Variants in PLB1 observed in about 807,000 individuals in gnomAD.
The protein encoded by PLB1 is phospholipase B1, membrane-associated.
A neutral mutation model predicts 227.4 loss-of-function variants in PLB1; 242 were observed. The observed-to-expected ratio is 1.06, with a 90% CI of 0.96 to 1.18. The LOEUF is 1.18. PLB1 is among the 50% of genes most tolerant of loss of function. The probability of loss-of-function intolerance (pLI) is 0.00; values close to 1 mark genes in which losing one functional copy is unlikely to be tolerated. For synonymous variants in PLB1, 757 were observed against 682.2 expected (o/e 1.11, Z -1.71); for missense variants, 1,858 against 1,816.3 (o/e 1.02, Z -0.42).
chr2:28,568,182 C>T (rs1677375255), intron 20 of PLB1, among the ~76,000 whole-genome samples: 1 of 152,204 alleles, frequency 6.6e-6, no homozygotes, highest in Non-Finnish European at 1.5e-5. Flanking sequence ...CACACATGAG[C>T]TATAAATCAG....
chr2:28,535,500 A>G (rs534116659), intron 9 of PLB1, among the ~76,000 whole-genome samples: 16 of 151,966 alleles, frequency 1.1e-4, no homozygotes, highest in African/African-American at 3.9e-4. Flanking sequence ...CTCTGGCCAC[A>G]CCTCCCCGTT....
intron 56 of PLB1, chr2:28,633,440 C>T (rs1330728427): frequency 3.2e-5 from 6 of 189,630 alleles, no homozygotes; most frequent in Admixed American, 1.1e-4. Flanking sequence ...TCTCAGACAA[C>T]GCATTGAGAT....
At position 28,550,051 on chromosome 2, in the gene PLB1, G is replaced by T; in HGVS notation, c.1050G>T (p.Leu350=). The change falls in exon 16 of 58, where the codon CTG becomes CTT. Residue 350 remains leucine (L), a synonymous_variant. Coordinates refer to ENST00000327757, the MANE Select transcript of PLB1 (RefSeq NM_153021.5). ...TCAGCTACAGAAACAGCAACTACCT[G>T]ACCAGACTGCAGAAACCCCAAGACA... ...YLFSYRNSNY[L]TRLQKPQDKL... is the part of the protein sequence containing the mutation. The T allele has an allele frequency of 6.2e-7, 1 of 1,613,376 alleles. No individual in the cohort carries two copies. The highest frequency in any genetic ancestry group is 1.1e-5 in the South Asian group (1 of 90,962).
At chr2:28,550,163 C>T in intron 16 of PLB1, 79 bp downstream of exon 16, 1 of 1,147,400 alleles carries the variant, frequency 8.7e-7, no homozygotes. Flanking sequence ...TTCGAACCTT[C>T]CACGTGGTTT....
intron 17 of PLB1, among the ~76,000 whole-genome samples, chr2:28,554,456 A>T (rs1674721023): frequency 7.1e-6 from 1 of 140,370 alleles, no homozygotes; most frequent in Non-Finnish European, 1.5e-5. Flanking sequence ...GCCTCCAAGT[A>T]GCTAGGACTA....
At chr2:28,526,764 G>A (rs1366634731) in intron 6 of PLB1, among the ~76,000 whole-genome samples, 2 of 152,202 alleles carry the variant, frequency 1.3e-5, no homozygotes, top group South Asian at 2.1e-4. Context: ...GAACAAGTGA[G>A]GCAGCTAGTG....
chr2:28,535,320 C>T (rs1671538959), intron 9 of PLB1, among the ~76,000 whole-genome samples: 1 of 152,192 alleles, frequency 6.6e-6, no homozygotes, highest in Non-Finnish European at 1.5e-5. Context: ...TTGATTTTTC[C>T]TATTGCACAA....
intron 35 of PLB1, among the ~76,000 whole-genome samples, 159 bp downstream of exon 35, chr2:28,598,919 T>A (rs921511758): frequency 1.3e-5 from 2 of 149,302 alleles, no homozygotes; most frequent in African/African-American, 4.8e-5. Context: ...ACGAAGGTTG[T>A]AATAGGCCAG....
chr2:28,598,316 G>A (rs933332885), intron 34 of PLB1, among the ~76,000 whole-genome samples: 5 of 152,248 alleles, frequency 3.3e-5, no homozygotes, highest in Non-Finnish European at 7.3e-5. Context: ...CCTAGGGCAA[G>A]TTACCCGCTA....
Position 28,591,702 on chromosome 2 carries a change from T to G in PLB1, c.2130T>G (p.Gly710=). The change falls in exon 31 of 58, where the codon GGT becomes GGG. Residue 710 remains glycine (G), a splice_region_variant and synonymous_variant. Coordinates refer to ENST00000327757, the MANE Select transcript of PLB1 (RefSeq NM_153021.5). ...FLRTYKNSMQ[G]HGTWLPCRDR... Reference sequence around the variant, plus strand: ...TGGGATTTGTTCTATGCCCTTAGGGTCATGGGACCTGGCTGCCATGCAGGG... The same window carrying G: ...TGGGATTTGTTCTATGCCCTTAGGGGCATGGGACCTGGCTGCCATGCAGGG... 2 of 1,613,902 alleles carry G rather than the reference T, an allele frequency of 1.2e-6. No homozygotes were observed. The highest frequency in any genetic ancestry group is 1.7e-6 in the Non-Finnish European group (2 of 1,179,914).
In PLB1 at chr2:28,580,464, C is replaced by T. The variant is rs188328685; in HGVS notation, c.1566+757C>T. Among the ~76,000 whole-genome samples, 47 of 152,322 alleles carry T rather than the reference C, an allele frequency of 3.1e-4. No individual in the cohort carries two copies. The East Asian group carries it at 8.9e-3, about 29-fold the overall frequency. ...GTGTGGTGGCTCACACCTGTAATCC[C>T]AGCACTTCGGGAGGCCGAGGCAGGC... On this transcript the variant is annotated intron_variant, in intron 23 of 57. Coordinates refer to ENST00000327757, the MANE Select transcript of PLB1 (RefSeq NM_153021.5).
intron 41 of PLB1, 116 bp downstream of exon 41, chr2:28,604,875 C>T (rs773136480): frequency 3.3e-5 from 32 of 967,538 alleles, no homozygotes; most frequent in African/African-American, 1.1e-4. Flanking sequence ...TCTCCAGACG[C>T]TGTGCTGGCA....
intron 33 of PLB1, chr2:28,595,034 C>T (rs559409149): frequency 1.7e-4 from 26 of 152,100 alleles, no homozygotes; most frequent in Non-Finnish European, 2.8e-4. Context: ...GATAGATACG[C>T]GACGTGCACC....
chr2:28,640,218 A>G (rs899268263), intron 56 of PLB1, among the ~76,000 whole-genome samples: 1 of 152,198 alleles, frequency 6.6e-6, no homozygotes. Context: ...AATAGGTGAC[A>G]GTGCCAGGGG....
At chr2:28,620,832 C>T (rs1340153697) in intron 48 of PLB1, 47 bp from the exon 49 acceptor site, 1 of 1,537,122 alleles carries the variant, frequency 6.5e-7, no homozygotes, top group Non-Finnish European at 9.0e-7. Context: ...TGTGAGGGTC[C>T]TGCAGGCTCT....
chr2:28,548,607 G>A (rs1388769252), intron 14 of PLB1: 10 of 555,162 alleles, frequency 1.8e-5, no homozygotes, highest in South Asian at 7.9e-5. Flanking sequence ...ATATAAAACC[G>A]ATGCTGCTTC....
intron 46 of PLB1, among the ~76,000 whole-genome samples, chr2:28,619,750 T>C (rs1485199631): frequency 1.3e-5 from 2 of 151,992 alleles, no homozygotes; most frequent in Admixed American, 1.3e-4. Context: ...AAGATTTGTG[T>C]GGACTGGGAA....
chr2:28,580,993 A>G (rs1679832637), intron 23 of PLB1, among the ~76,000 whole-genome samples: 1 of 152,046 alleles, frequency 6.6e-6, no homozygotes, highest in African/African-American at 2.4e-5. Context: ...TGTGATCTGA[A>G]GGGCCCAGAG....
intron 1 of PLB1, among the ~76,000 whole-genome samples, chr2:28,504,365 T>G (rs1041927627): frequency 6.6e-6 from 1 of 152,256 alleles, no homozygotes; most frequent in Non-Finnish European, 1.5e-5. Context: ...AAATTTAACT[T>G]ACATTTGGTT....
Sources: gnomAD v4.1 joint callset for allele counts (sites outside exome capture counted in the v4.1 genomes callset) on GRCh38, gnomAD v4.1.1 for gene constraint, MANE v1.5 for transcripts, NCBI Gene and HGNC (gene_info 2026-07-23, HGNC 2026-07-21) for gene names.